SLC14A2: variants seen among roughly 807,000 people sequenced by gnomAD.
SLC14A2 encodes the protein solute carrier family 14 member 2, also known as urea transporter 2.
SLC14A2 carries 91 observed loss-of-function variants against 104.6 expected under a neutral mutation model. The ratio of observed to expected loss-of-function variants is 0.87; its 90% CI spans 0.73 to 1.04. SLC14A2 has a LOEUF of 1.04. SLC14A2 is among the 50% of genes least tolerant of loss of function. The pLI, the probability that SLC14A2 is intolerant of heterozygous loss-of-function variation, is 0.00. For synonymous variants in SLC14A2, 476 were observed against 466.4 expected, an observed-to-expected ratio of 1.02 and a Z score of -0.27; for missense variants, 1,189 against 1,156.0, an observed-to-expected ratio of 1.03 and a Z score of -0.41.
intron 1 of SLC14A2, among the ~76,000 whole-genome samples, chr18:45,300,392 C>T (rs936571242): frequency 2.8e-5 from 4 of 144,388 alleles, no homozygotes; most frequent in African/African-American, 1.1e-4. Context: ...TGCTCTATCT[C>T]AAGTTCTTGT....
chr18:45,274,020 G>T (rs911843348), intron 1 of SLC14A2, among the ~76,000 whole-genome samples: 1 of 152,124 alleles, frequency 6.6e-6, no homozygotes, highest in Non-Finnish European at 1.5e-5. Flanking sequence ...AAGAAAAAAT[G>T]CAATACAATG....
intron 1 of SLC14A2, among the ~76,000 whole-genome samples, chr18:45,316,792 C>T (rs138721547): frequency 3.0e-4 from 45 of 152,318 alleles, no homozygotes; most frequent in Middle Eastern, 3.4e-3. Context: ...AGCTCCCAAA[C>T]CTTTTCCATC....
At chr18:45,434,206 T>C (rs2086561286) in intron 1 of SLC14A2, among the ~76,000 whole-genome samples, 1 of 152,146 alleles carries the variant, frequency 6.6e-6, no homozygotes, top group Admixed American at 6.6e-5. Flanking sequence ...AGACACCATA[T>C]TTTCCCTTCC....
At chr18:45,333,496 T>C (rs1018927088) in intron 1 of SLC14A2, among the ~76,000 whole-genome samples, 1 of 152,236 alleles carries the variant, frequency 6.6e-6, no homozygotes, top group African/African-American at 2.4e-5. Context: ...GTATAATTTA[T>C]ATTCTACAAT....
intron 2 of SLC14A2, among the ~76,000 whole-genome samples, chr18:45,499,563 C>T (rs952935358): frequency 1.3e-5 from 2 of 152,204 alleles, no homozygotes; most frequent in South Asian, 2.1e-4. Context: ...TCTTCTTTGC[C>T]TTGCGGGATT....
chr18:45,347,983 T>C (rs2085466073), intron 1 of SLC14A2, among the ~76,000 whole-genome samples: 1 of 152,254 alleles, frequency 6.6e-6, no homozygotes, highest in Non-Finnish European at 1.5e-5. Flanking sequence ...AAGTGTCATC[T>C]GTGCATTCCC....
intron 1 of SLC14A2, among the ~76,000 whole-genome samples, chr18:45,479,495 A>G (rs1226641364): frequency 1.3e-5 from 2 of 152,146 alleles, no homozygotes; most frequent in African/African-American, 4.8e-5. Context: ...TGGCTCTGAC[A>G]TCTCCTGCCT....
chr18:45,643,312 T>C, intron 9 of SLC14A2, 131 bp downstream of exon 9: 1 of 791,490 alleles, frequency 1.3e-6, no homozygotes. Flanking sequence ...ACATCTCTGT[T>C]AAGGTTTATC....
At chr18:45,275,099 T>G (rs1299717881) in intron 1 of SLC14A2, among the ~76,000 whole-genome samples, 1 of 152,126 alleles carries the variant, frequency 6.6e-6, no homozygotes, top group Non-Finnish European at 1.5e-5. Context: ...GGAAAGGGGT[T>G]GGGGGTGGAG....
chr18:45,391,643 T>C (rs1478273377), intron 1 of SLC14A2, among the ~76,000 whole-genome samples: 2 of 152,230 alleles, frequency 1.3e-5, no homozygotes, highest in South Asian at 2.1e-4. Flanking sequence ...TGGTATCTCA[T>C]TGTGGTTTTG....
At chr18:45,591,753 C>G (rs1156531571) in intron 2 of SLC14A2, among the ~76,000 whole-genome samples, 1 of 152,226 alleles carries the variant, frequency 6.6e-6, no homozygotes, top group Admixed American at 6.5e-5. Flanking sequence ...GGAGACCCCA[C>G]TATACACTAA....
chr18:45,211,283 C>A (rs767156305), upstream of SLC14A2, among the ~76,000 whole-genome samples: 4 of 152,186 alleles, frequency 2.6e-5, no homozygotes, highest in Non-Finnish European at 5.9e-5. Flanking sequence ...CTTTCTCCCC[C>A]TTTTAAATCC....
At chr18:45,488,821 A>C (rs1421181) in intron 2 of SLC14A2, among the ~76,000 whole-genome samples, 1 of 152,024 alleles carries the variant, frequency 6.6e-6, no homozygotes, top group Admixed American at 6.5e-5. Flanking sequence ...AGGTACAAAG[A>C]CTGATTTGTT....
At chr18:45,515,929 A>G (rs182519255) in intron 2 of SLC14A2, among the ~76,000 whole-genome samples, 1 of 152,348 alleles carries the variant, frequency 6.6e-6, no homozygotes, top group East Asian at 1.9e-4. Context: ...TCAAATACCC[A>G]AGCCATTGTG....
Position 45,409,790 on chromosome 18 carries a change from G to C in SLC14A2, c.-124-73443G>C, listed in dbSNP as rs189869923. On this transcript the variant is annotated intron_variant, in intron 1 of 20. Coordinates refer to the SLC14A2 transcript ENST00000586448. ...AGAGCAACAGTCCACAACCTTTTAG[G>C]CATCAGGGACTGGTTGTGTGGAAGA... 2.2e-4 allele frequency among the ~76,000 whole-genome samples: 33 copies of C among 152,298 alleles called. 1 individual carries two copies. The East Asian group carries it at 6.4e-3, about 29-fold the overall frequency.
Position 45,218,444 on chromosome 18 carries a change from G to T in SLC14A2, c.-125+5253G>T, listed in dbSNP as rs533550353. On this transcript the variant is annotated intron_variant, in intron 1 of 20. Coordinates refer to the SLC14A2 transcript ENST00000586448. Reference sequence around the variant, plus strand: ...TGAAGAAGATAAAATGCTTGTTACTGTCCAATCGGCATCTATATGCATGCT... The same window carrying T: ...TGAAGAAGATAAAATGCTTGTTACTTTCCAATCGGCATCTATATGCATGCT... 5.3e-5 allele frequency among the ~76,000 whole-genome samples: 8 copies of T among 152,214 alleles called. No individual in the cohort carries two copies. In the East Asian group the frequency reaches 9.7e-4, roughly 18 times the overall value.
chr18:45,302,196 G>A (rs1304131421), intron 1 of SLC14A2, among the ~76,000 whole-genome samples: 1 of 152,216 alleles, frequency 6.6e-6, no homozygotes, highest in East Asian at 1.9e-4. Flanking sequence ...AGGCTCTTGG[G>A]CAATATTTGT....
chr18:45,520,969 C>A (rs1042049774), intron 2 of SLC14A2, among the ~76,000 whole-genome samples: 2 of 152,128 alleles, frequency 1.3e-5, no homozygotes. Context: ...AATGGGTGGG[C>A]CTTCCTCCTC....
chr18:45,345,770 A>G (rs1245763523), intron 1 of SLC14A2, among the ~76,000 whole-genome samples: 3 of 152,222 alleles, frequency 2.0e-5, no homozygotes, highest in Non-Finnish European at 4.4e-5. Flanking sequence ...ATACTATGCA[A>G]CAATTCATAT....
Sources: allele counts gnomAD v4.1 joint callset (sites outside exome capture counted in the v4.1 genomes callset), GRCh38; gene constraint gnomAD v4.1.1; transcripts MANE v1.5; gene names NCBI Gene and HGNC (gene_info 2026-07-23, HGNC 2026-07-21).